The following POLN variants were observed in gnomAD, a reference collection of about 807,000 sequenced individuals.
POLN encodes the protein DNA polymerase nu, also known as DNA polymerase N.
Under a neutral mutation model 113.5 loss-of-function variants are expected in POLN, and 108 were observed. That is an observed-to-expected ratio of 0.95 (90% CI 0.81 to 1.12). POLN has a LOEUF of 1.12. Among genes scored for constraint, POLN ranks in the 50% most tolerant of loss-of-function variants. The pLI, the probability that POLN is intolerant of heterozygous loss-of-function variation, is 0.00. For missense variants in POLN, 1,097 were observed against 1,077.1 expected, an observed-to-expected ratio of 1.02 and a Z score of -0.26; for synonymous variants, 386 against 391.5, an observed-to-expected ratio of 0.99 and a Z score of 0.17.
intron 19 of POLN, among the ~76,000 whole-genome samples, chr4:2,114,555 A>T (rs1379185069): frequency 2.0e-5 from 3 of 152,218 alleles, no homozygotes; most frequent in Non-Finnish European, 4.4e-5. Flanking sequence ...GAAGGAAGTT[A>T]TTCCATCATC....
chr4:2,206,151 A>C (rs1009790380), intron 5 of POLN, among the ~76,000 whole-genome samples: 1 of 152,206 alleles, frequency 6.6e-6, no homozygotes, highest in Non-Finnish European at 1.5e-5. Flanking sequence ...AAAGTGGGGA[A>C]AGGACACCCT....
At chr4:2,138,457 G>A (rs1165952860) in intron 16 of POLN, among the ~76,000 whole-genome samples, 1 of 152,186 alleles carries the variant, frequency 6.6e-6, no homozygotes, top group African/African-American at 2.4e-5. Flanking sequence ...AAGATGTGCA[G>A]GCAACAAGGG....
rs145784732 is a variant in POLN, at chr4:2,135,614, G to A, written c.1732-4324C>T. On this transcript the variant is annotated intron_variant, in intron 16 of 25. Transcript: ENST00000511885. ...TACAGCACGTGAACTACCAAAGACC[G>A]AGGGTGACCAAAGTGACTGTGGTGG... Among the ~76,000 whole-genome samples the A allele has an allele frequency of 1.5e-3, 236 of 152,322 alleles. 1 individual carries two copies. Among genetic ancestry groups the A allele is most frequent in the African/African-American group, 5.5e-3 (228 of 41,558 alleles).
At chr4:2,118,062 C>A (rs1041381887) in intron 19 of POLN, among the ~76,000 whole-genome samples, 1 of 152,214 alleles carries the variant, frequency 6.6e-6, no homozygotes, top group Middle Eastern at 3.2e-3. Context: ...TATGCACCAA[C>A]AGACACACCC....
intron 7 of POLN, among the ~76,000 whole-genome samples, chr4:2,182,794 C>T (rs1733175403): frequency 6.8e-6 from 1 of 146,296 alleles, no homozygotes; most frequent in Admixed American, 6.8e-5. Flanking sequence ...ACACAAATAA[C>T]AAAAGAAAAC....
chr4:2,205,461 AT>A (rs1291611960), intron 5 of POLN, among the ~76,000 whole-genome samples: 3 of 152,236 alleles, frequency 2.0e-5, no homozygotes, highest in African/African-American at 7.2e-5. Context: ...ATGGAAGCAC[AT>A]CCCATGCTCA....
intron 25 of POLN, among the ~76,000 whole-genome samples, 160 bp from the exon 26 acceptor site, chr4:2,072,459 TCAC>T (rs1161952713): frequency 2.0e-5 from 3 of 152,148 alleles, no homozygotes; most frequent in African/African-American, 4.8e-5. Flanking sequence ...ACGTGCACAC[TCAC>T]CACACTCGCC....
intron 23 of POLN, chr4:2,080,246 G>A: frequency 1.0e-6 from 1 of 987,634 alleles, no homozygotes; most frequent in Non-Finnish European, 1.2e-6. Flanking sequence ...GGAGGAGGTG[G>A]CTGGGCGAGG....
rs1404137084 is a variant in POLN at position 2,221,234 on chromosome 4, C to T, written c.133+7865G>A. Among the ~76,000 whole-genome samples the T allele has an allele frequency of 4.6e-5, 7 of 152,100 alleles. 1 individual carries two copies. The Middle Eastern group carries it at 0.017, about 372-fold the overall frequency. On this transcript the variant is annotated intron_variant, in intron 3 of 25. Coordinates refer to ENST00000511885, the MANE Select transcript of POLN (RefSeq NM_181808.4). ...CTCCCTGCAACCTCCACCTCCCAAG[C>T]TCAAGCAACAGTCCCCCTTCCTCAG...
chr4:2,238,889 T>A (rs1734865089), intron 2 of POLN: 1 of 1,613,120 alleles, frequency 6.2e-7, no homozygotes, highest in African/African-American at 1.3e-5. Flanking sequence ...CAGATCAAAA[T>A]CTCCCTTTAC....
rs1267098314 is a variant in POLN, at chr4:2,129,198, G to A, written c.1848C>T (p.Gly616=). Residue 616 remains glycine (G), a synonymous_variant, in exon 18 of 26, where the codon GGC becomes GGT. Transcript: ENST00000511885. ...ACGTACCTGCTGCTAGAAAGGTGTG[G>A]CCTTTGGATGAAACAAACATGGCCC... ...SPRAMFVSSK[G]HTFLAADFSQ... 1.9e-6 allele frequency: 3 copies of A among 1,595,220 alleles called. No homozygotes were observed. Among genetic ancestry groups the A allele is most frequent in the Non-Finnish European group, 2.6e-6 (3 of 1,162,944 alleles).
At chr4:2,104,264 G>A (rs961630848) in intron 19 of POLN, among the ~76,000 whole-genome samples, 1 of 152,180 alleles carries the variant, frequency 6.6e-6, no homozygotes, top group African/African-American at 2.4e-5. Flanking sequence ...CCACTGTATG[G>A]ATAGACCATA....
intron 23 of POLN, chr4:2,079,733 C>T (rs956868265): frequency 3.6e-5 from 26 of 717,946 alleles, no homozygotes; most frequent in Middle Eastern, 6.8e-4. Context: ...TACAGGTGTG[C>T]GCCACCACAC....
At position 2,208,424 on chromosome 4, in the gene POLN, T is replaced by TG. The variant is rs1560094345; in HGVS notation, c.276dup (p.Ser93GlnfsTer11). Reference sequence around the variant, plus strand: ...GACAGCTGATCTGTGAGCCTGACACTGAAGGACTGAGGAGACAGCTTGGCA... The same window carrying TG: ...GACAGCTGATCTGTGAGCCTGACACTGGAAGGACTGAGGAGACAGCTTGGCA... On this transcript the variant is annotated frameshift_variant, in exon 5 of 26. Coordinates refer to ENST00000511885, the MANE Select transcript of POLN (RefSeq NM_181808.4). LOFTEE classifies it high-confidence loss of function. 6.2e-7 allele frequency: 1 copy of TG among 1,603,214 alleles called. No homozygotes were observed. The highest frequency in any genetic ancestry group is 8.5e-7 in the Non-Finnish European group (1 of 1,176,804).
chr4:2,115,085 T>C (rs1441371675), intron 19 of POLN, among the ~76,000 whole-genome samples: 1 of 151,732 alleles, frequency 6.6e-6, no homozygotes, highest in Non-Finnish European at 1.5e-5. Context: ...TCTCGCTCTG[T>C]AGCTCAGGCT....
intron 16 of POLN, among the ~76,000 whole-genome samples, chr4:2,135,537 C>T (rs573822136): frequency 2.0e-5 from 3 of 152,358 alleles, no homozygotes; most frequent in African/African-American, 4.8e-5. Flanking sequence ...CCGTCCCTAA[C>T]GCCTCATGAG....
At chr4:2,146,837 A>C (rs1732155891) in intron 16 of POLN, among the ~76,000 whole-genome samples, 1 of 152,200 alleles carries the variant, frequency 6.6e-6, no homozygotes, top group Admixed American at 6.5e-5. Flanking sequence ...AGCATGAGGA[A>C]TCAAGGAAAC....
At chr4:2,227,959 A>C (rs1276649892) in intron 3 of POLN, 1 of 152,258 alleles carries the variant, frequency 6.6e-6, no homozygotes, top group Non-Finnish European at 1.5e-5. Context: ...ATTCACACTC[A>C]AAAATTCTTA....
intron 19 of POLN, among the ~76,000 whole-genome samples, chr4:2,110,639 A>G (rs1731169266): frequency 2.0e-5 from 3 of 152,246 alleles, no homozygotes; most frequent in Admixed American, 2.0e-4. Context: ...AGAAAATCTA[A>G]AAGAAATGGA....
Sources: gnomAD v4.1 joint callset for allele counts (sites outside exome capture counted in the v4.1 genomes callset) on GRCh38, gnomAD v4.1.1 for gene constraint, MANE v1.5 for transcripts, NCBI Gene and HGNC (gene_info 2026-07-23, HGNC 2026-07-21) for gene names.